Variants in PTPN7 observed in about 807,000 individuals in gnomAD.
The protein encoded by PTPN7 is tyrosine-protein phosphatase non-receptor type 7.
In PTPN7, 33 loss-of-function variants were observed where a neutral mutation model predicts 50.3. The ratio of observed to expected loss-of-function variants is 0.66; its 90% CI spans 0.50 to 0.88. The LOEUF is 0.88. PTPN7 is among the 40% of genes least tolerant of loss of function. The pLI, the probability that PTPN7 is intolerant of heterozygous loss-of-function variation, is 0.00. For synonymous variants in PTPN7, 185 were observed against 186.6 expected (o/e 0.99, Z 0.07); for missense variants, 412 against 475.4 (o/e 0.87, Z 1.24).
chr1:202,161,433 C>T (rs1416383011), upstream of PTPN7: 5 of 1,289,546 alleles, frequency 3.9e-6, no homozygotes, highest in Non-Finnish European at 4.0e-6. Flanking sequence ...CTCCCATGTC[C>T]TCTTCGCTGC....
chr1:202,154,224 G>A lies in PTPN7; in HGVS notation c.568C>T (p.Leu190Phe), dbSNP rs772595658. Residue 190 changes from leucine (L) to phenylalanine (F), a missense_variant, in exon 6 of 10, where the codon CTC becomes TTC. Physicochemically the swap from Leu to Phe is conservative, Grantham distance 22. Coordinates refer to ENST00000691036, the MANE Select transcript of PTPN7 (RefSeq NM_002832.4). ...CGGAGCTGAGTGAGCATGACAATGA[G>A]GGACACTTCCTCTTGCCACACCATC... is the stretch of plus-strand genomic sequence containing the variant. ...WEMVWQEEVS[L>F]IVMLTQLREG... 21 of 1,614,074 alleles carry A rather than the reference G, an allele frequency of 1.3e-5. No individual in the cohort carries two copies. The highest frequency in any genetic ancestry group is 5.3e-5 in the African/African-American group (4 of 74,930).
rs116069823 is a variant in PTPN7, at chr1:202,149,223, T to A, written c.990-524A>T. 1.8e-3 allele frequency among the ~76,000 whole-genome samples: 277 copies of A among 152,238 alleles called. 1 individual carries two copies. The highest frequency in any genetic ancestry group is 6.4e-3 in the African/African-American group (266 of 41,532). ...CTCAGATCTGCTGTGAGAGAAGTCCTCTGCCCCTTACACGTGCTGAGGGGT... is the reference window on the plus strand; with the variant it reads ...CTCAGATCTGCTGTGAGAGAAGTCCACTGCCCCTTACACGTGCTGAGGGGT... On this transcript the variant is annotated intron_variant, in intron 9 of 9. Transcript: ENST00000691036.
Position 202,147,159 on chromosome 1 carries a change from G to T in PTPN7, c.*1447C>A, listed in dbSNP as rs1655422519. On this transcript the variant is annotated 3_prime_UTR_variant, in exon 10 of 10. Coordinates refer to ENST00000691036, the MANE Select transcript of PTPN7 (RefSeq NM_002832.4). ...TTGCTTCCCTCTGGGCTGGCTCTGA[G>T]CCCAGGGCAGGATCAGGCACTTGAG... is the stretch of plus-strand genomic sequence containing the variant. The T allele has an allele frequency of 6.6e-6, 1 of 152,100 alleles. No individual in the cohort carries two copies. The highest frequency in any genetic ancestry group is 1.5e-5 in the Non-Finnish European group (1 of 68,100). 9.4% of individuals were successfully genotyped at this position (152,100 alleles called of 1,614,324 possible).
chr1:202,156,211 G>A (rs957522266), intron 4 of PTPN7, among the ~76,000 whole-genome samples: 2 of 152,252 alleles, frequency 1.3e-5, no homozygotes, highest in East Asian at 1.9e-4. Context: ...GAAAGGGAAC[G>A]GAACAGCAGA....
chr1:202,154,696 C>G (rs951886562), intron 5 of PTPN7, among the ~76,000 whole-genome samples: 1 of 152,176 alleles, frequency 6.6e-6, no homozygotes, highest in Non-Finnish European at 1.5e-5. Context: ...AATGTTTATT[C>G]CCTTCCTCCC....
Position 202,159,929 on chromosome 1 carries a change from C to T in PTPN7, c.-52-475G>A. The T allele has an allele frequency of 9.9e-7, 1 of 1,008,074 alleles. No homozygotes were observed. The highest frequency in any genetic ancestry group is 1.2e-6 in the Non-Finnish European group (1 of 844,502). 62.4% of individuals were successfully genotyped at this position (1,008,074 alleles called of 1,614,324 possible). ...CTGGTTGGGCAGCCAGGCAGGCGGGCTCCTGGACCCCAGCAGGGTCCTCTC... is the reference window on the plus strand; with the variant it reads ...CTGGTTGGGCAGCCAGGCAGGCGGGTTCCTGGACCCCAGCAGGGTCCTCTC... On this transcript the variant is annotated intron_variant, in intron 1 of 9. Transcript: ENST00000691036. The surrounding 1 kb of genome is among the most constrained non-coding windows in gnomAD (Gnocchi z 4.6).
chr1:202,159,715 G>T lies in PTPN7; in HGVS notation c.-52-261C>A. On this transcript the variant is annotated intron_variant, in intron 1 of 9. Coordinates refer to ENST00000691036, the MANE Select transcript of PTPN7 (RefSeq NM_002832.4). The surrounding 1 kb of genome is among the most constrained non-coding windows in gnomAD (Gnocchi z 4.6). Reference sequence around the variant, plus strand: ...GAAAGAATCCAGAAGGAGGAAAAGAGAGAGGGGAGAGAGGCCACACACCAG... The same window carrying T: ...GAAAGAATCCAGAAGGAGGAAAAGATAGAGGGGAGAGAGGCCACACACCAG... 1.5e-6 allele frequency: 2 copies of T among 1,362,234 alleles called. No homozygotes were observed. Among genetic ancestry groups the T allele is most frequent in the South Asian group, 4.1e-5 (2 of 49,248 alleles). The allele number at this position is 1,362,234 out of a possible 1,614,324, so 84.4% of individuals were successfully genotyped here. A position where few individuals can be genotyped will look rare whatever the true frequency, so the allele number is the denominator to read the frequency against.
chr1:202,159,045 A>C lies in PTPN7; in HGVS notation c.122+236T>G. On this transcript the variant is annotated intron_variant, in intron 2 of 9. Coordinates refer to ENST00000691036, the MANE Select transcript of PTPN7 (RefSeq NM_002832.4). This position sits in a 1 kb window ranked among gnomAD's most constrained non-coding sequence, Gnocchi z 4.6. ...CTCCGACATGCATCCAGCACCAAGA[A>C]GGCTGTGGGCCTTGCCTGGAATTTA... The C allele has an allele frequency of 1.8e-6, 1 of 548,638 alleles. No individual in the cohort carries two copies. The highest frequency in any genetic ancestry group is 3.0e-5 in the East Asian group (1 of 33,030). 34.0% of individuals were successfully genotyped at this position (548,638 alleles called of 1,614,324 possible).
chr1:202,154,206 G>A lies in PTPN7; in HGVS notation c.586C>T (p.Gln196Ter). The A allele has an allele frequency of 6.2e-7, 1 of 1,614,106 alleles. No homozygotes were observed. Among genetic ancestry groups the A allele is most frequent in the South Asian group, 1.1e-5 (1 of 91,070 alleles). Residue 196 changes from glutamine (Q) to a stop codon, truncating the protein, a stop_gained, in exon 6 of 10, where the codon CAG (glutamine) becomes TAG (stop). Coordinates refer to ENST00000691036, the MANE Select transcript of PTPN7 (RefSeq NM_002832.4). LOFTEE classifies it high-confidence loss of function. ...CCTACCTCCTTGCCCTCTCGGAGCT[G>A]AGTGAGCATGACAATGAGGGACACT... ...EEVSLIVMLTQLREGKEKCVH... is the reference protein window; with the variant it reads ...EEVSLIVMLT
intron 5 of PTPN7, among the ~76,000 whole-genome samples, chr1:202,154,712 G>A (rs1368742559): frequency 6.6e-6 from 1 of 152,164 alleles, no homozygotes; most frequent in South Asian, 2.1e-4. Flanking sequence ...CTCCCCTGCT[G>A]CTTTCTTCTA....
upstream of PTPN7, chr1:202,161,046 CCCTCAAAGCCCTTGCTG>C: frequency 2.2e-6 from 3 of 1,395,238 alleles, no homozygotes; most frequent in South Asian, 1.7e-5. Context: ...AAGGCCCTCT[CCCTCAAAGCCCTTGCTG>C]CTTCAAGCCT....
At chr1:202,156,878 G>T (rs1656721193) in intron 4 of PTPN7, among the ~76,000 whole-genome samples, 2 of 152,138 alleles carry the variant, frequency 1.3e-5, no homozygotes, top group African/African-American at 4.8e-5. Flanking sequence ...AAAAATAGAA[G>T]GTGCTTGCTC....
At chr1:202,150,225 G>A (rs1027638886) in intron 9 of PTPN7, 86 bp downstream of exon 9, 1 of 1,013,504 alleles carries the variant, frequency 9.9e-7, no homozygotes, top group African/African-American at 1.6e-5. Flanking sequence ...GTGCTTGATG[G>A]TGATGGGCCT....
Position 202,150,860 on chromosome 1 carries a change from G to A in PTPN7, c.876-436C>T, listed in dbSNP as rs1012957902. Reference sequence around the variant, plus strand: ...CGGCCCCTCTGTTTCCCACCTTGGCGCCCTCCCACAGTCTTCTCTCCACTC... The same window carrying A: ...CGGCCCCTCTGTTTCCCACCTTGGCACCCTCCCACAGTCTTCTCTCCACTC... On this transcript the variant is annotated intron_variant, in intron 8 of 9. Coordinates refer to ENST00000691036, the MANE Select transcript of PTPN7 (RefSeq NM_002832.4). Among the ~76,000 whole-genome samples the A allele has an allele frequency of 2.6e-5, 4 of 152,008 alleles. No individual in the cohort carries two copies. The South Asian group carries it at 8.3e-4, about 32-fold the overall frequency.
chr1:202,154,045 C>A, intron 6 of PTPN7, 141 bp downstream of exon 6: 1 of 1,281,760 alleles, frequency 7.8e-7, no homozygotes, highest in Non-Finnish European at 1.1e-6. Flanking sequence ...AGGGCTATAT[C>A]TCAGGGAACT....
In PTPN7 at chr1:202,155,591, C is replaced by G; in HGVS notation, c.410G>C (p.Cys137Ser). Reference sequence around the variant, plus strand: ...CTCCTGGCTCTGTGCCCGGCCTAGACAGACACGGCTCTGGGGATCTAGGAA... The same window carrying G: ...CTCCTGGCTCTGTGCCCGGCCTAGAGAGACACGGCTCTGGGGATCTAGGAA... ...TILPNPQSRV[C>S]LGRAQSQEDG... The change falls in exon 5 of 10, where the codon TGT (cysteine) becomes TCT (serine). Residue 137 changes from cysteine (C) to serine (S), a missense_variant. Transcript: ENST00000691036. The G allele has an allele frequency of 6.4e-7, 1 of 1,566,916 alleles. No individual in the cohort carries two copies.
chr1:202,159,154 A>G lies in PTPN7; in HGVS notation c.122+127T>C. The G allele has an allele frequency of 1.1e-6, 1 of 880,762 alleles. No individual in the cohort carries two copies. 54.6% of individuals were successfully genotyped at this position (880,762 alleles called of 1,614,324 possible). On this transcript the variant is annotated intron_variant, in intron 2 of 9. Transcript: ENST00000691036. This position sits in a 1 kb window ranked among gnomAD's most constrained non-coding sequence, Gnocchi z 4.6. ...AATGAGCACTACTGGTTTCCTTTCC[A>G]AATTGGAGTCAACAACTGAGGGCCC...
In PTPN7 at chr1:202,150,439, G is replaced by C; in HGVS notation, c.876-15C>G. On this transcript the variant is annotated splice_polypyrimidine_tract_variant and intron_variant, in intron 8 of 9. Coordinates refer to ENST00000691036, the MANE Select transcript of PTPN7 (RefSeq NM_002832.4). ...CAATCCCTGCACTGGAGATAGCCAGGGAGGGGACAGGGAGGTCATGGGAGA... is the reference window on the plus strand; with the variant it reads ...CAATCCCTGCACTGGAGATAGCCAGCGAGGGGACAGGGAGGTCATGGGAGA... The C allele has an allele frequency of 6.3e-7, 1 of 1,591,700 alleles. No homozygotes were observed. Among genetic ancestry groups the C allele is most frequent in the Non-Finnish European group, 8.6e-7 (1 of 1,166,576 alleles).
rs754051725 is a variant in PTPN7, at chr1:202,159,381, GC to G, written c.21del (p.Arg8AlafsTer7). ...AAGGTCAACGGCTGTGCTCTGGAGC[GC>G]CCCCCATGGGCTTGGACCATGCTGA... The part of the protein sequence containing the change: MVQAHG[G>X]RSRAQPLTLS... On this transcript the variant is annotated frameshift_variant, in exon 2 of 10. Coordinates refer to ENST00000691036, the MANE Select transcript of PTPN7 (RefSeq NM_002832.4). LOFTEE classifies it high-confidence loss of function. This position sits in a 1 kb window ranked among gnomAD's most constrained non-coding sequence, Gnocchi z 4.6. 1.2e-6 allele frequency: 2 copies of G among 1,614,186 alleles called. No individual in the cohort carries two copies. Among genetic ancestry groups the G allele is most frequent in the South Asian group, 2.2e-5 (2 of 91,086 alleles).
Sources: gnomAD v4.1 joint callset for allele counts (sites outside exome capture counted in the v4.1 genomes callset) on GRCh38, gnomAD v4.1.1 for gene constraint, Gnocchi (gnomAD v3.1) non-coding constraint, MANE v1.5 for transcripts, NCBI Gene and HGNC (gene_info 2026-07-23, HGNC 2026-07-21) for gene names.